The following ARK2C variants were observed in gnomAD, a reference collection of about 807,000 sequenced individuals.
ARK2C encodes the protein arkadia (RNF111) C-terminal like ring finger ubiquitin ligase 2C.
At chr18:46,446,544 G>A in the ARK2C span, among the ~76,000 whole-genome samples, 1 of 151,752 alleles carries the variant, frequency 6.6e-6, no homozygotes, top group Non-Finnish European at 1.5e-5. Flanking sequence ...GGTGTGGCAT[G>A]CCTGTAGTCC....
the ARK2C span, among the ~76,000 whole-genome samples, chr18:46,438,502 G>A: frequency 4.6e-5 from 7 of 152,188 alleles, no homozygotes; most frequent in African/African-American, 1.7e-4. Context: ...TGCTTTGGTA[G>A]AATTCCTTGA....
the ARK2C span, chr18:46,337,257 TG>T: frequency 1.0e-6 from 1 of 985,216 alleles, no homozygotes; most frequent in East Asian, 1.1e-4. Flanking sequence ...CCCAGCAAAA[TG>T]GTTTTCCATT....
the ARK2C span, among the ~76,000 whole-genome samples, chr18:46,347,684 A>G: frequency 1.3e-5 from 2 of 152,022 alleles, no homozygotes; most frequent in African/African-American, 2.4e-5. Context: ...ATTGTTCTAT[A>G]TGGCTATCTG....
At chr18:46,422,784 C>T in the ARK2C span, among the ~76,000 whole-genome samples, 8 of 152,224 alleles carry the variant, frequency 5.3e-5, no homozygotes, top group African/African-American at 1.7e-4. Flanking sequence ...GGTGTTCACA[C>T]TCCTCTTCTG....
At chr18:46,355,464 C>T in the ARK2C span, among the ~76,000 whole-genome samples, 1 of 152,158 alleles carries the variant, frequency 6.6e-6, no homozygotes, top group Non-Finnish European at 1.5e-5. Context: ...TCCTTGCTGT[C>T]TGAAAGCCTT....
chr18:46,440,273 TGAGAGA>T, the ARK2C span, among the ~76,000 whole-genome samples: 16 of 148,468 alleles, frequency 1.1e-4, no homozygotes, highest in East Asian at 3.9e-4. Context: ...TTTGAGAGAC[TGAGAGA>T]GAGAGAGAGA....
the ARK2C span, among the ~76,000 whole-genome samples, chr18:46,368,427 C>G: frequency 1.3e-5 from 2 of 152,170 alleles, no homozygotes; most frequent in Non-Finnish European, 2.9e-5. Context: ...AGAATAGTGC[C>G]TGGTCATGAG....
At chr18:46,411,869 C>T in the ARK2C span, among the ~76,000 whole-genome samples, 83 of 152,290 alleles carry the variant, frequency 5.5e-4, no homozygotes, top group African/African-American at 1.8e-3. Context: ...CTCCCTGGTC[C>T]CTTTCTCCTG....
At chr18:46,346,330 T>A in the ARK2C span, among the ~76,000 whole-genome samples, 2 of 152,210 alleles carry the variant, frequency 1.3e-5, no homozygotes, top group Non-Finnish European at 2.9e-5. Context: ...TTTAAAAGTG[T>A]ACTACAATTC....
At chr18:46,368,645 C>T in the ARK2C span, among the ~76,000 whole-genome samples, 16,404 of 152,218 alleles carry the variant, frequency 0.11, 1,701 homozygotes, top group African/African-American at 0.27. Flanking sequence ...GCACAAGGCA[C>T]CATGAAGTGC....
the ARK2C span, among the ~76,000 whole-genome samples, chr18:46,353,395 CGT>C: frequency 3.3e-5 from 5 of 152,126 alleles, no homozygotes; most frequent in African/African-American, 1.2e-4. Flanking sequence ...ATGTCTGGGC[CGT>C]GAGTCAGGCT....
the ARK2C span, among the ~76,000 whole-genome samples, chr18:46,363,578 TTGATGTCCACTCAG>T: frequency 6.6e-6 from 1 of 152,148 alleles, no homozygotes; most frequent in Non-Finnish European, 1.5e-5. Flanking sequence ...TGTGTGCTGG[TTGATGTCCACTCAG>T]TGTACAGCCC....
At chr18:46,411,351 T>C in the ARK2C span, among the ~76,000 whole-genome samples, 1 of 152,222 alleles carries the variant, frequency 6.6e-6, no homozygotes, top group East Asian at 1.9e-4. Flanking sequence ...GAGGCCTCTG[T>C]ACTTGGCCTT....
At chr18:46,383,027 G>C in the ARK2C span, among the ~76,000 whole-genome samples, 3 of 152,246 alleles carry the variant, frequency 2.0e-5, no homozygotes, top group African/African-American at 7.2e-5. Flanking sequence ...CCCCTAGCCT[G>C]CTGGGCCAGC....
chr18:46,384,959 G>A, the ARK2C span, among the ~76,000 whole-genome samples: 1 of 152,240 alleles, frequency 6.6e-6, no homozygotes, highest in African/African-American at 2.4e-5. Flanking sequence ...AGCTGGTTCA[G>A]CTCCACTCAC....
chr18:46,461,864 C>T, the ARK2C span: 3 of 152,146 alleles, frequency 2.0e-5, no homozygotes, highest in Admixed American at 6.5e-5. Context: ...TTTCATAAGG[C>T]TTGGGCAGTC....
chr18:46,360,010 G>C, the ARK2C span, among the ~76,000 whole-genome samples: 36,535 of 152,160 alleles, frequency 0.24, 5,406 homozygotes, highest in East Asian at 0.41. Flanking sequence ...GAGGAAGAAG[G>C]ATATTGGGAG....
At chr18:46,444,323 AT>A in the ARK2C span, among the ~76,000 whole-genome samples, 29 of 151,888 alleles carry the variant, frequency 1.9e-4, no homozygotes, top group Admixed American at 7.9e-4. Context: ...TATTTCAGCC[AT>A]TTTTTCCCTA....
the ARK2C span, among the ~76,000 whole-genome samples, chr18:46,422,552 G>T: frequency 6.6e-6 from 1 of 152,350 alleles, no homozygotes; most frequent in African/African-American, 2.4e-5. Flanking sequence ...CCACCGGCTT[G>T]CTCCCTGAGG....
Sources: gnomAD v4.1 joint callset for allele counts (sites outside exome capture counted in the v4.1 genomes callset) on GRCh38, gnomAD v4.1.1 for gene constraint, MANE v1.5 for transcripts, NCBI Gene and HGNC (gene_info 2026-07-23, HGNC 2026-07-21) for gene names.